MRPS14: variants seen among roughly 807,000 people sequenced by gnomAD.
MRPS14 encodes mitochondrial ribosomal protein S14.
A neutral mutation model predicts 16.4 loss-of-function variants in MRPS14; 14 were observed. The ratio of observed to expected loss-of-function variants is 0.85; its 90% confidence interval spans 0.56 to 1.33. MRPS14 has a LOEUF of 1.33. Ranked by LOEUF, MRPS14 falls within the 40% of genes most tolerant of loss-of-function variation. MRPS14 has a pLI of 0.00. For missense variants in MRPS14, 162 were observed against 176.8 expected, an observed-to-expected ratio of 0.92 and a Z score of 0.48; for synonymous variants, 54 against 61.9, an observed-to-expected ratio of 0.87 and a Z score of 0.60.
At chr1:175,023,331 G>T (rs1337152031) in intron 1 of MRPS14, 33 bp downstream of exon 1, 1 of 1,611,552 alleles carries the variant, frequency 6.2e-7, no homozygotes, top group Non-Finnish European at 8.5e-7. Flanking sequence ...CAGCGGTGAG[G>T]GGTAGCGGTG....
At chr1:175,021,038 G>A (rs926471356) in intron 1 of MRPS14, among the ~76,000 whole-genome samples, 11 of 152,028 alleles carry the variant, frequency 7.2e-5, no homozygotes, top group African/African-American at 1.9e-4. Context: ...TGCTCTGGCC[G>A]AATTTTAAAT....
chr1:175,023,260 A>G (rs1673013346), intron 1 of MRPS14, 104 bp downstream of exon 1: 1 of 1,562,722 alleles, frequency 6.4e-7, no homozygotes, highest in Non-Finnish European at 8.7e-7. Context: ...GAACCCCTGG[A>G]CTGGTCCTCA....
chr1:175,016,206 A>C (rs1029787844), intron 2 of MRPS14, among the ~76,000 whole-genome samples: 8 of 152,014 alleles, frequency 5.3e-5, no homozygotes, highest in Non-Finnish European at 1.0e-4. Context: ...AAAAAAAAAA[A>C]ACAAAAAAAA....
intron 1 of MRPS14, among the ~76,000 whole-genome samples, chr1:175,019,506 C>T (rs980279493): frequency 1.3e-5 from 2 of 151,856 alleles, no homozygotes; most frequent in East Asian, 1.9e-4. Flanking sequence ...ATGTTGGCCA[C>T]GCTGGTCTTG....
chr1:175,018,475 A>C lies in MRPS14; in HGVS notation c.147T>G (p.Asp49Glu). 3 of 1,612,948 alleles carry C rather than the reference A, an allele frequency of 1.9e-6. No homozygotes were observed. The highest frequency in any genetic ancestry group is 2.5e-6 in the Non-Finnish European group (3 of 1,179,754). Residue 49 changes from aspartate (D) to glutamate (E), a missense_variant, in exon 2 of 3, where the codon GAT becomes GAG. Coordinates refer to ENST00000476371, the MANE Select transcript of MRPS14 (RefSeq NM_022100.3). Reference sequence around the variant, plus strand: ...TGAGTGAATTAATACGTAGCCTCTCATCTGCGTATTCATAGGCCATTTTTC... The same window carrying C: ...TGAGTGAATTAATACGTAGCCTCTCCTCTGCGTATTCATAGGCCATTTTTC... ...KRRKMAYEYADERLRINSLRK... is the reference protein window; with the variant it reads ...KRRKMAYEYAEERLRINSLRK...
chr1:175,018,903 A>AT (rs1385876335), intron 1 of MRPS14, among the ~76,000 whole-genome samples: 2 of 152,174 alleles, frequency 1.3e-5, no homozygotes, highest in Admixed American at 6.5e-5. Flanking sequence ...TCAAAAAGGT[A>AT]TAAGAAGACA....
rs752490303 is a variant in MRPS14, at chr1:175,018,545, C to G, written c.77G>C (p.Arg26Pro). Residue 26 changes from arginine (R) to proline (P), a missense_variant, in exon 2 of 3, where the codon CGA (arginine) becomes CCA (proline). Arg to Pro is a moderately radical substitution (Grantham distance 103). Transcript: ENST00000476371. The part of the protein sequence containing the change: ...MVPSSASGQV[R>P]SHYVDWRMWR... ...CATTCTCCAGTCTACATAGTGACTT[C>G]GAACTTGGCCTGAAGCTGATGAAGG... 2 of 1,603,094 alleles carry G rather than the reference C, an allele frequency of 1.2e-6. No individual in the cohort carries two copies. Among genetic ancestry groups the G allele is most frequent in the Non-Finnish European group, 1.7e-6 (2 of 1,177,172 alleles).
chr1:175,018,231 G>T (rs1255221788), intron 2 of MRPS14, among the ~76,000 whole-genome samples, 187 bp downstream of exon 2: 1 of 152,200 alleles, frequency 6.6e-6, no homozygotes, highest in Non-Finnish European at 1.5e-5. Flanking sequence ...TGTAAGGCTA[G>T]TTAGGAGTGA....
intron 2 of MRPS14, among the ~76,000 whole-genome samples, chr1:175,018,152 G>A (rs1252227834): frequency 1.3e-5 from 2 of 151,988 alleles, no homozygotes; most frequent in African/African-American, 4.8e-5. Flanking sequence ...ATGAAGTCAG[G>A]GAGAGACCTT....
At chr1:175,015,884 T>C (rs1574116300) in intron 2 of MRPS14, among the ~76,000 whole-genome samples, 2 of 152,324 alleles carry the variant, frequency 1.3e-5, no homozygotes, top group South Asian at 4.1e-4. Context: ...GTTACCATTA[T>C]GAACTAACAG....
Position 175,013,111 on chromosome 1 carries a change from T to C in MRPS14, c.*1558A>G, listed in dbSNP as rs1406629712. Reference sequence around the variant, plus strand: ...TAGTGAGATGGATTCTAAGTTGAGATATTAGCTAGAACATTCCAGTTGGTA... The same window carrying C: ...TAGTGAGATGGATTCTAAGTTGAGACATTAGCTAGAACATTCCAGTTGGTA... On this transcript the variant is annotated 3_prime_UTR_variant, in exon 3 of 3. Transcript: ENST00000476371. The C allele has an allele frequency of 6.6e-6, 1 of 152,226 alleles. No homozygotes were observed. The highest frequency in any genetic ancestry group is 1.5e-5 in the Non-Finnish European group (1 of 68,050). The allele number at this position is 152,226 out of a possible 1,614,324, so 9.4% of individuals were successfully genotyped here.
chr1:175,018,808 T>C (rs1409316047), intron 1 of MRPS14, among the ~76,000 whole-genome samples: 3 of 152,244 alleles, frequency 2.0e-5, no homozygotes, highest in Non-Finnish European at 4.4e-5. Flanking sequence ...ATAACATATG[T>C]ATTGGAAGGT....
At chr1:175,016,386 G>C (rs974297109) in intron 2 of MRPS14, among the ~76,000 whole-genome samples, 1 of 152,064 alleles carries the variant, frequency 6.6e-6, no homozygotes, top group Non-Finnish European at 1.5e-5. Flanking sequence ...CTTGTTCCCC[G>C]AAAGATTTAA....
intron 2 of MRPS14, among the ~76,000 whole-genome samples, chr1:175,015,960 C>A (rs1276814428): frequency 3.9e-5 from 6 of 152,170 alleles, no homozygotes; most frequent in Non-Finnish European, 8.8e-5. Flanking sequence ...CACTTTGGGA[C>A]GCCGAGGCAG....
intron 2 of MRPS14, among the ~76,000 whole-genome samples, chr1:175,016,904 T>C (rs1442937430): frequency 6.6e-6 from 1 of 152,168 alleles, no homozygotes; most frequent in Non-Finnish European, 1.5e-5. Context: ...AATTTATTCA[T>C]CTTACAACAG....
intron 1 of MRPS14, among the ~76,000 whole-genome samples, chr1:175,021,973 C>A (rs987444376): frequency 1.3e-5 from 2 of 152,190 alleles, no homozygotes; most frequent in African/African-American, 4.8e-5. Context: ...AACAGAGTAA[C>A]CACTAACCAC....
intron 2 of MRPS14, among the ~76,000 whole-genome samples, chr1:175,016,228 G>C (rs1254838802): frequency 6.6e-6 from 1 of 151,708 alleles, no homozygotes; most frequent in Non-Finnish European, 1.5e-5. Context: ...CCATGATTGA[G>C]CCATTGAGTA....
chr1:175,014,718 T>C lies in MRPS14; in HGVS notation c.338A>G (p.His113Arg), dbSNP rs1672846979. The C allele has an allele frequency of 6.2e-7, 1 of 1,613,758 alleles. No individual in the cohort carries two copies. The highest frequency in any genetic ancestry group is 1.3e-5 in the African/African-American group (1 of 74,866). The change falls in exon 3 of 3, where the codon CAC (histidine) becomes CGC (arginine). Residue 113 changes from histidine (H) to arginine (R), a missense_variant. By Grantham distance (29) the His-to-Arg change is conservative. Transcript: ENST00000476371. The part of the protein sequence containing the change: ...RWRLSRIVFR[H>R]LADHGQLSGI... ...AGAAAGTTGCCCATGGTCAGCTAAG[T>C]GACGGAAGACTATACGACTAAGCCT... is the stretch of plus-strand genomic sequence containing the variant.
At position 175,014,533 on chromosome 1, in the gene MRPS14, A is replaced by T; in HGVS notation, c.*136T>A. 1 of 746,712 alleles carries T rather than the reference A, an allele frequency of 1.3e-6. No individual in the cohort carries two copies. Among genetic ancestry groups the T allele is most frequent in the Non-Finnish European group, 2.1e-6 (1 of 485,694 alleles). 46.3% of individuals were successfully genotyped at this position (746,712 alleles called of 1,614,324 possible). ...AATGTCTTCATTTTAAAAGTAGTTT[A>T]GAGATAGCATCAGGTAGGCCAAACA... On this transcript the variant is annotated 3_prime_UTR_variant, in exon 3 of 3. Coordinates refer to ENST00000476371, the MANE Select transcript of MRPS14 (RefSeq NM_022100.3).
Sources: gnomAD v4.1 joint callset for allele counts (sites outside exome capture counted in the v4.1 genomes callset) on GRCh38, gnomAD v4.1.1 for gene constraint, MANE v1.5 for transcripts, NCBI Gene and HGNC (gene_info 2026-07-23, HGNC 2026-07-21) for gene names.